Variants in CD99 observed in about 807,000 individuals in gnomAD.
CD99 encodes the protein CD99 antigen.
In CD99, 19 loss-of-function variants were observed where a neutral mutation model predicts 28.4. The ratio of observed to expected loss-of-function variants is 0.67; its 90% CI spans 0.47 to 0.98. CD99 has a LOEUF of 0.98. CD99 is among the 50% of genes least tolerant of loss of function. CD99 has a pLI of 0.00. For synonymous variants in CD99, 103 were observed against 92.1 expected (o/e 1.12, Z -0.67); for missense variants, 283 against 248.8 (o/e 1.14, Z -0.92).
At chrX:2,706,581 G>A (rs2048127723) in intron 1 of CD99, among the ~76,000 whole-genome samples, 1 of 152,076 alleles carries the variant, frequency 6.6e-6, no homozygotes, top group Non-Finnish European at 1.5e-5. Context: ...GAACACCCTG[G>A]GGTGATGCTG....
At chrX:2,707,290 A>G (rs2048165056) in intron 1 of CD99, among the ~76,000 whole-genome samples, 1 of 151,898 alleles carries the variant, frequency 6.6e-6, no homozygotes, top group South Asian at 2.1e-4. Flanking sequence ...AGATCATGCT[A>G]CTGTACTCTA....
chrX:2,704,169 A>G (rs1237073104), intron 1 of CD99, among the ~76,000 whole-genome samples: 5 of 152,166 alleles, frequency 3.3e-5, no homozygotes, highest in Admixed American at 1.3e-4. Flanking sequence ...CAGCCCAAAC[A>G]TTCACACCAT....
At chrX:2,740,267 G>A (rs1332283393) in intron 9 of CD99, among the ~76,000 whole-genome samples, 1 of 152,128 alleles carries the variant, frequency 6.6e-6, no homozygotes, top group African/African-American at 2.4e-5. Flanking sequence ...TGTGTGTGGA[G>A]CCCTCGTGAC....
At chrX:2,734,054 C>T (rs1239271275) in intron 8 of CD99, among the ~76,000 whole-genome samples, 4 of 152,166 alleles carry the variant, frequency 2.6e-5, no homozygotes, top group Non-Finnish European at 2.9e-5. Context: ...CATTTGAGCA[C>T]GGAGCCTCTG....
At chrX:2,728,341 G>A (rs2049406843) in intron 8 of CD99, among the ~76,000 whole-genome samples, 1 of 151,166 alleles carries the variant, frequency 6.6e-6, no homozygotes, top group African/African-American at 2.4e-5. Context: ...GATTACAGAT[G>A]TGCACCACCA....
chrX:2,709,521 G>A (rs1280354193), intron 1 of CD99, among the ~76,000 whole-genome samples: 1 of 152,350 alleles, frequency 6.6e-6, no homozygotes, highest in South Asian at 2.1e-4. Flanking sequence ...ATGAAAACAC[G>A]TGTGCACACA....
chrX:2,691,704 G>T, intron 1 of CD99: 1 of 704,994 alleles, frequency 1.4e-6, no homozygotes, highest in Non-Finnish European at 2.6e-6. Context: ...AGGTGCGTCC[G>T]ATTTTTCCCA....
intron 8 of CD99, chrX:2,733,425 T>C: frequency 1.9e-6 from 3 of 1,556,738 alleles, no homozygotes; most frequent in Non-Finnish European, 2.6e-6. Context: ...CCGTAATCGT[T>C]TTATCTGCTA....
At chrX:2,714,781 G>A (rs311071) in intron 2 of CD99, 95,069 of 269,284 alleles carry the variant, frequency 0.35, 18,490 homozygotes, top group African/African-American at 0.58. Context: ...GTTGCTGCAG[G>A]CCTTCCGTTT....
chrX:2,732,621 T>TC lies in CD99; in HGVS notation c.476-5579_476-5578insC, dbSNP rs1419699251. ...CCCTCTTTCTTCCTCCCTCCCTCCCTTCTTCTTTTCCTCCTTTTCCTTTTT... is the reference window on the plus strand; with the variant it reads ...CCCTCTTTCTTCCTCCCTCCCTCCCTCTCTTCTTTTCCTCCTTTTCCTTTTT... On this transcript the variant is annotated intron_variant, in intron 8 of 9. Transcript: ENST00000381192. Among the ~76,000 whole-genome samples, 9 of 145,278 alleles carry TC rather than the reference T, an allele frequency of 6.2e-5. No individual in the cohort carries two copies. In the East Asian group the frequency reaches 3.8e-3, roughly 62 times the overall value.
At chrX:2,695,864 C>T (rs1425760713) in intron 1 of CD99, among the ~76,000 whole-genome samples, 2 of 152,104 alleles carry the variant, frequency 1.3e-5, no homozygotes, top group East Asian at 1.9e-4. Flanking sequence ...AAACTCCTGG[C>T]CTCAAGTGAT....
intron 8 of CD99, among the ~76,000 whole-genome samples, chrX:2,737,370 G>C (rs1381644355): frequency 3.3e-5 from 5 of 151,008 alleles, no homozygotes; most frequent in Non-Finnish European, 7.4e-5. Flanking sequence ...TAGAGACGGG[G>C]TTTCACCATG....
intron 8 of CD99, among the ~76,000 whole-genome samples, chrX:2,736,818 C>T (rs79506336): frequency 3.3e-3 from 499 of 151,990 alleles, no homozygotes; most frequent in Non-Finnish European, 4.7e-3. Context: ...TATCGCGCCA[C>T]TGCACTCCAG....
chrX:2,716,198 C>T (rs2048704859), intron 2 of CD99, among the ~76,000 whole-genome samples: 1 of 151,926 alleles, frequency 6.6e-6, no homozygotes, highest in Admixed American at 6.6e-5. Context: ...TTTGTATTTT[C>T]AGTACAGACG....
At chrX:2,720,528 T>G in intron 5 of CD99, 104 bp downstream of exon 5, 1 of 1,031,068 alleles carries the variant, frequency 9.7e-7, no homozygotes, top group East Asian at 2.4e-5. Flanking sequence ...TGCTTACTGT[T>G]GACTGCCTGT....
chrX:2,722,524 T>C, intron 5 of CD99, 103 bp from the exon 6 acceptor site: 1 of 982,874 alleles, frequency 1.0e-6, no homozygotes, highest in Non-Finnish European at 1.7e-6. Flanking sequence ...TTTCACCATG[T>C]TGATGAACAG....
chrX:2,694,732 A>T (rs2047493743), intron 1 of CD99, among the ~76,000 whole-genome samples: 1 of 151,980 alleles, frequency 6.6e-6, no homozygotes, highest in Non-Finnish European at 1.5e-5. Flanking sequence ...TGGCCTGGGT[A>T]ACAGAGAGAG....
chrX:2,723,755 G>A (rs1358279079), intron 7 of CD99, among the ~76,000 whole-genome samples: 1 of 152,154 alleles, frequency 6.6e-6, no homozygotes, highest in Non-Finnish European at 1.5e-5. Flanking sequence ...GGTGGGAGGT[G>A]GGAATGTGGA....
rs749414448 is a variant in CD99 at position 2,713,353 on chromosome X, C to T, written c.68-1069C>T. Among the ~76,000 whole-genome samples, 14 of 152,002 alleles carry T rather than the reference C, an allele frequency of 9.2e-5. No individual in the cohort carries two copies. The South Asian group carries it at 2.9e-3, about 32-fold the overall frequency. ...CACAGAAACCCACAAAATACACCTC[C>T]ACACTTACACAAAACACGCCTACAC... On this transcript the variant is annotated intron_variant, in intron 1 of 9. Coordinates refer to ENST00000381192, the MANE Select transcript of CD99 (RefSeq NM_002414.5).
Sources: allele counts gnomAD v4.1 joint callset (sites outside exome capture counted in the v4.1 genomes callset), GRCh38; gene constraint gnomAD v4.1.1; transcripts MANE v1.5; gene names NCBI Gene and HGNC (gene_info 2026-07-23, HGNC 2026-07-21).